Variants in L3MBTL3 observed in about 807,000 individuals in gnomAD.
L3MBTL3 encodes the protein lethal(3)malignant brain tumor-like protein 3.
A neutral mutation model predicts 102.3 loss-of-function variants in L3MBTL3; 27 were observed. The observed-to-expected ratio is 0.26, with a 90% confidence interval of 0.19 to 0.36. The LOEUF (loss-of-function observed/expected upper bound fraction) is 0.36. L3MBTL3 is among the 10% of genes least tolerant of loss of function. L3MBTL3 has a pLI of 1.00. For missense variants in L3MBTL3, 798 were observed against 955.3 expected, an observed-to-expected ratio of 0.84 and a Z score of 2.17; for synonymous variants, 340 against 320.9, an observed-to-expected ratio of 1.06 and a Z score of -0.64.
At chr6:130,105,962 T>C (rs1784955335) in intron 19 of L3MBTL3, among the ~76,000 whole-genome samples, 1 of 152,172 alleles carries the variant, frequency 6.6e-6, no homozygotes. Flanking sequence ...AGAGTAATCT[T>C]TATAATGAGT....
chr6:130,109,816 C>G (rs1785238786), intron 19 of L3MBTL3, among the ~76,000 whole-genome samples: 1 of 152,134 alleles, frequency 6.6e-6, no homozygotes, highest in South Asian at 2.1e-4. Context: ...CCTATGTTTT[C>G]TTCTAGGGTT....
At chr6:130,086,423 A>C (rs1783695098) in intron 16 of L3MBTL3, among the ~76,000 whole-genome samples, 173 bp downstream of exon 16, 1 of 152,208 alleles carries the variant, frequency 6.6e-6, no homozygotes, top group African/African-American at 2.4e-5. Flanking sequence ...TTGTCCTTTA[A>C]TCTGCATAAA....
intron 6 of L3MBTL3, among the ~76,000 whole-genome samples, chr6:130,052,278 T>G (rs1278651186): frequency 6.6e-6 from 1 of 151,884 alleles, no homozygotes; most frequent in Non-Finnish European, 1.5e-5. Context: ...AGCTAGTTTT[T>G]TCTATTTTAG....
At chr6:130,086,330 T>A in intron 16 of L3MBTL3, 80 bp downstream of exon 16, 6 of 862,060 alleles carry the variant, frequency 7.0e-6, no homozygotes, top group Non-Finnish European at 9.4e-6. Context: ...ATACTTAACT[T>A]GTGAAGTCCT....
At chr6:130,113,196 C>T (rs1001636937) in intron 19 of L3MBTL3, among the ~76,000 whole-genome samples, 5 of 152,150 alleles carry the variant, frequency 3.3e-5, no homozygotes, top group African/African-American at 4.8e-5. Flanking sequence ...TTTTGAGGCA[C>T]TGCTCCCGGA....
intron 8 of L3MBTL3, among the ~76,000 whole-genome samples, chr6:130,056,585 G>T (rs774147003): frequency 6.6e-6 from 1 of 152,184 alleles, no homozygotes; most frequent in Admixed American, 6.5e-5. Flanking sequence ...TCTTTTCAGA[G>T]ATGACCTTCT....
chr6:130,070,276 TA>T (rs1361176752), intron 12 of L3MBTL3, among the ~76,000 whole-genome samples: 1 of 152,212 alleles, frequency 6.6e-6, no homozygotes, highest in African/African-American at 2.4e-5. Context: ...TACTGTACCT[TA>T]AGCACTAACT....
Position 130,070,964 on chromosome 6 carries a change from G to T in L3MBTL3, c.1093-12G>T, listed in dbSNP as rs766664421. The T allele has an allele frequency of 2.5e-6, 4 of 1,610,466 alleles. No individual in the cohort carries two copies. Among genetic ancestry groups the T allele is most frequent in the Non-Finnish European group, 3.4e-6 (4 of 1,178,070 alleles). On this transcript the variant is annotated splice_polypyrimidine_tract_variant and intron_variant, in intron 12 of 22. Coordinates refer to ENST00000361794, the MANE Select transcript of L3MBTL3 (RefSeq NM_032438.4). ...TGTGCTTATCTCTAATTAAATCTGT[G>T]TGTTTCCATAGACAGTGATCCCATC... is the stretch of plus-strand genomic sequence containing the variant.
intron 1 of L3MBTL3, among the ~76,000 whole-genome samples, chr6:130,019,632 C>T: frequency 6.6e-6 from 1 of 150,498 alleles, no homozygotes; most frequent in East Asian, 2.0e-4. Flanking sequence ...CACTCACACG[C>T]ACGCACACAC....
rs532971306 is a variant in L3MBTL3 at position 130,123,074 on chromosome 6, G to A, written c.1966+2116G>A. Among the ~76,000 whole-genome samples the A allele has an allele frequency of 2.0e-5, 3 of 152,216 alleles. No individual in the cohort carries two copies. In the South Asian group the frequency reaches 6.2e-4, roughly 32 times the overall value. ...ATTTGATAACATATTTAGTTTCTCAGCGATCTTTTTAACTCAGTGTTTATT... is the reference window on the plus strand; with the variant it reads ...ATTTGATAACATATTTAGTTTCTCAACGATCTTTTTAACTCAGTGTTTATT... On this transcript the variant is annotated intron_variant, in intron 20 of 22. Coordinates refer to ENST00000361794, the MANE Select transcript of L3MBTL3 (RefSeq NM_032438.4).
intron 8 of L3MBTL3, 43 bp from the exon 9 acceptor site, chr6:130,057,363 T>TC: frequency 6.6e-7 from 1 of 1,510,492 alleles, no homozygotes; most frequent in Non-Finnish European, 9.1e-7. Context: ...ACTGCTGGCT[T>TC]AGATTTGGAA....
At chr6:130,066,286 G>GTATA (rs148263906) in intron 10 of L3MBTL3, 67 bp from the exon 11 acceptor site, 5,040 of 386,976 alleles carry the variant, frequency 0.013, 157 homozygotes, top group African/African-American at 0.076. Context: ...TTATTTTTGT[G>GTATA]TATATATATA....
At chr6:130,073,313 TA>T (rs1448041964) in intron 13 of L3MBTL3, among the ~76,000 whole-genome samples, 1 of 152,192 alleles carries the variant, frequency 6.6e-6, no homozygotes, top group Non-Finnish European at 1.5e-5. Context: ...GAGAAAACTT[TA>T]ACTTTGGAAA....
Position 130,063,990 on chromosome 6 carries a change from TA to T in L3MBTL3, c.865-2362del, listed in dbSNP as rs533476244. 2.7e-3 allele frequency among the ~76,000 whole-genome samples: 418 copies of T among 152,198 alleles called. 7 individuals carry two copies. The highest frequency in any genetic ancestry group is 0.017 in the Middle Eastern group (5 of 294). The stretch of plus-strand genomic sequence containing the variant: ...TGTGCATGTCCACGAACACTGCGAG[TA>T]TTATTTTGGGGTTACAAATAAATTG... On this transcript the variant is annotated intron_variant, in intron 10 of 22. Transcript: ENST00000361794.
Position 130,123,406 on chromosome 6 carries a change from T to C in L3MBTL3, c.1966+2448T>C, listed in dbSNP as rs185114855. The stretch of plus-strand genomic sequence containing the variant: ...TAAAACCTGTAGTTCAATGTGCATG[T>C]TTTGCTTATTGTCTTACTTTTTGTT... On this transcript the variant is annotated intron_variant, in intron 20 of 22. Transcript: ENST00000361794. 1.6e-3 allele frequency among the ~76,000 whole-genome samples: 243 copies of C among 152,252 alleles called. 1 individual carries two copies. The highest frequency in any genetic ancestry group is 5.8e-3 in the African/African-American group (240 of 41,564).
chr6:130,130,034 A>C (rs190979371), intron 20 of L3MBTL3, among the ~76,000 whole-genome samples: 13 of 152,332 alleles, frequency 8.5e-5, no homozygotes, highest in Non-Finnish European at 1.9e-4. Flanking sequence ...TTAGCGAGGA[A>C]GACTCAGCAA....
intron 3 of L3MBTL3, among the ~76,000 whole-genome samples, chr6:130,048,971 T>C (rs201015200): frequency 5.3e-3 from 287 of 53,846 alleles, no homozygotes; most frequent in East Asian, 0.013. Context: ...CACACACACA[T>C]ACACACACAA....
At chr6:130,093,038 A>C (rs1784154472) in intron 17 of L3MBTL3, among the ~76,000 whole-genome samples, 179 bp downstream of exon 17, 1 of 152,184 alleles carries the variant, frequency 6.6e-6, no homozygotes, top group Non-Finnish European at 1.5e-5. Context: ...TGGAAAAAAA[A>C]CTTAATGCCT....
At position 130,057,429 on chromosome 6, in the gene L3MBTL3, G is replaced by C; in HGVS notation, c.691G>C (p.Ala231Pro). ...KQGLPPKGKK[A>P]WCWASYLEEE... ...AGGTTTGCCTCCTAAAGGAAAGAAA[G>C]CGTGGTGCTGGGCATCCTACCTGGA... Residue 231 changes from alanine (A) to proline (P), a missense_variant, in exon 9 of 23, where the codon GCG becomes CCG. Transcript: ENST00000361794. The C allele has an allele frequency of 6.2e-7, 1 of 1,610,560 alleles. No individual in the cohort carries two copies. The highest frequency in any genetic ancestry group is 1.1e-5 in the South Asian group (1 of 89,604).
Sources: gnomAD v4.1 joint callset for allele counts (sites outside exome capture counted in the v4.1 genomes callset) on GRCh38, gnomAD v4.1.1 for gene constraint, MANE v1.5 for transcripts, NCBI Gene and HGNC (gene_info 2026-07-23, HGNC 2026-07-21) for gene names.